The following CSRNP3 variants were observed in gnomAD, a reference collection of about 807,000 sequenced individuals.
The protein encoded by CSRNP3 is cysteine and serine rich nuclear protein 3.
Under a neutral mutation model 48.0 loss-of-function variants are expected in CSRNP3, and 12 were observed. The observed-to-expected ratio is 0.25, with a 90% CI of 0.16 to 0.41. The LOEUF is 0.41. Among genes scored for constraint, CSRNP3 ranks in the 10% least tolerant of loss-of-function variants. The pLI, the probability that CSRNP3 is intolerant of heterozygous loss-of-function variation, is 1.00. For synonymous variants in CSRNP3, 263 were observed against 269.7 expected, an observed-to-expected ratio of 0.98 and a Z score of 0.24; for missense variants, 580 against 724.4, an observed-to-expected ratio of 0.80 and a Z score of 2.29.
chr2:165,592,131 G>A (rs910804633), intron 3 of CSRNP3, among the ~76,000 whole-genome samples: 2 of 152,260 alleles, frequency 1.3e-5, no homozygotes, highest in Non-Finnish European at 2.9e-5. Context: ...TGCCCTGGAT[G>A]TGAGACATGG....
chr2:165,633,045 C>T (rs1027073723), intron 4 of CSRNP3, among the ~76,000 whole-genome samples: 3 of 152,118 alleles, frequency 2.0e-5, no homozygotes, highest in African/African-American at 2.4e-5. Flanking sequence ...ATTTCTGTCA[C>T]GTTAAACTTA....
chr2:165,505,013 T>C (rs1054242799), intron 2 of CSRNP3, among the ~76,000 whole-genome samples: 1 of 152,086 alleles, frequency 6.6e-6, no homozygotes, highest in Non-Finnish European at 1.5e-5. Context: ...CGTCAACTAG[T>C]ACATTGTATG....
At chr2:165,645,987 C>T (rs545753279) in intron 4 of CSRNP3, among the ~76,000 whole-genome samples, 2 of 152,160 alleles carry the variant, frequency 1.3e-5, no homozygotes, top group African/African-American at 4.8e-5. Flanking sequence ...TCAAGTGATC[C>T]ACCTGCATTG....
At chr2:165,641,159 G>A (rs775961297) in intron 4 of CSRNP3, among the ~76,000 whole-genome samples, 23 of 152,100 alleles carry the variant, frequency 1.5e-4, no homozygotes, top group Non-Finnish European at 2.6e-4. Flanking sequence ...GAAACCTATT[G>A]CTGTAGTAAT....
intron 4 of CSRNP3, among the ~76,000 whole-genome samples, chr2:165,639,666 G>A (rs537899621): frequency 5.4e-4 from 82 of 152,300 alleles, no homozygotes; most frequent in African/African-American, 1.9e-3. Context: ...CACCTGAGGA[G>A]ATACAGCAGA....
chr2:165,608,322 A>G (rs1332855226), intron 4 of CSRNP3, among the ~76,000 whole-genome samples: 1 of 152,092 alleles, frequency 6.6e-6, no homozygotes, highest in Non-Finnish European at 1.5e-5. Flanking sequence ...TCCACTGACA[A>G]TGAAACAAAA....
rs60993829 is a variant in CSRNP3, at chr2:165,533,012, A to C, written c.-24+15051A>C. On this transcript the variant is annotated intron_variant, in intron 3 of 6. Transcript: ENST00000651982. ...GGAATCCAACTTACAAGGGATGTGA[A>C]AATTCTTATTTTCCCTAAAATGATT... 8.1e-3 allele frequency among the ~76,000 whole-genome samples: 1,233 copies of C among 152,274 alleles called. 15 individuals are homozygous for C. Among genetic ancestry groups the C allele is most frequent in the African/African-American group, 0.028 (1,182 of 41,550 alleles).
At chr2:165,531,637 C>A (rs980987322) in intron 3 of CSRNP3, among the ~76,000 whole-genome samples, 1 of 151,906 alleles carries the variant, frequency 6.6e-6, no homozygotes, top group Non-Finnish European at 1.5e-5. Context: ...CCTAACATCA[C>A]AATTAAAAGA....
At chr2:165,658,067 A>G (rs761597012) in intron 5 of CSRNP3, 47 bp downstream of exon 5, 3 of 1,575,200 alleles carry the variant, frequency 1.9e-6, no homozygotes, top group African/African-American at 2.7e-5. Context: ...CCTTACAGCA[A>G]TTTGATTGAG....
At chr2:165,676,905 A>G (rs187732181) in intron 6 of CSRNP3, among the ~76,000 whole-genome samples, 84 of 152,306 alleles carry the variant, frequency 5.5e-4, no homozygotes, top group African/African-American at 1.8e-3. Context: ...ATATCACCTT[A>G]TTTCAGCTTT....
At chr2:165,519,203 T>C (rs974601508) in intron 3 of CSRNP3, among the ~76,000 whole-genome samples, 1 of 152,058 alleles carries the variant, frequency 6.6e-6, no homozygotes, top group African/African-American at 2.4e-5. Flanking sequence ...TTGACACAAC[T>C]GCAAATTTAA....
At chr2:165,541,216 A>C (rs1684952618) in intron 3 of CSRNP3, among the ~76,000 whole-genome samples, 1 of 140,122 alleles carries the variant, frequency 7.1e-6, no homozygotes. Flanking sequence ...CCTCTACACC[A>C]AATGCATTTT....
intron 4 of CSRNP3, among the ~76,000 whole-genome samples, chr2:165,600,934 A>C (rs535103414): frequency 1.3e-5 from 2 of 152,376 alleles, no homozygotes; most frequent in East Asian, 3.9e-4. Flanking sequence ...CAGCTATGGT[A>C]GTAGAAAATT....
At chr2:165,509,602 A>C (rs1201827452) in intron 2 of CSRNP3, among the ~76,000 whole-genome samples, 3 of 152,318 alleles carry the variant, frequency 2.0e-5, no homozygotes, top group Non-Finnish European at 4.4e-5. Flanking sequence ...TTTTACAATA[A>C]GCATTTTATT....
chr2:165,620,076 A>G, intron 4 of CSRNP3, among the ~76,000 whole-genome samples: 1 of 152,218 alleles, frequency 6.6e-6, no homozygotes, highest in East Asian at 1.9e-4. Flanking sequence ...AAGTAGAAAT[A>G]AAGTCAGTTT....
chr2:165,575,439 A>G (rs1319031654), intron 3 of CSRNP3, among the ~76,000 whole-genome samples: 3 of 152,124 alleles, frequency 2.0e-5, no homozygotes, highest in Non-Finnish European at 4.4e-5. Context: ...TTGTATGTGT[A>G]TGAAAATATG....
intron 4 of CSRNP3, among the ~76,000 whole-genome samples, chr2:165,648,131 G>A (rs577803527): frequency 5.9e-4 from 90 of 152,138 alleles, no homozygotes; most frequent in African/African-American, 1.4e-3. Flanking sequence ...GTGATTTGTC[G>A]TGTAAGAACA....
chr2:165,529,462 T>C (rs923415866), intron 3 of CSRNP3, among the ~76,000 whole-genome samples: 1 of 152,144 alleles, frequency 6.6e-6, no homozygotes, highest in Non-Finnish European at 1.5e-5. Flanking sequence ...AGAAGTGCCT[T>C]TTGCCTTCTG....
Position 165,649,047 on chromosome 2 carries a change from C to G in CSRNP3, c.149-8714C>G, listed in dbSNP as rs553898072. 2.0e-5 allele frequency among the ~76,000 whole-genome samples: 3 copies of G among 152,242 alleles called. No individual in the cohort carries two copies. The South Asian group carries it at 6.2e-4, about 32-fold the overall frequency. On this transcript the variant is annotated intron_variant, in intron 4 of 6. Coordinates refer to ENST00000651982, the MANE Select transcript of CSRNP3 (RefSeq NM_001172173.2). ...TGCTTGCTTGTGTGGACGTAACTGA[C>G]AGACTGAATGGATGACGACGTGACA...
Sources: gnomAD v4.1 joint callset for allele counts (sites outside exome capture counted in the v4.1 genomes callset) on GRCh38, gnomAD v4.1.1 for gene constraint, MANE v1.5 for transcripts, NCBI Gene and HGNC (gene_info 2026-07-23, HGNC 2026-07-21) for gene names.